The following NAALADL2 variants were observed in gnomAD, a reference collection of about 807,000 sequenced individuals.
NAALADL2 encodes inactive N-acetylated-alpha-linked acidic dipeptidase-like protein 2.
Under a neutral mutation model 87.2 loss-of-function variants are expected in NAALADL2, and 76 were observed. That is an observed-to-expected ratio of 0.87 (90% CI 0.72 to 1.05). The LOEUF is 1.05. NAALADL2 is among the 50% of genes least tolerant of loss of function. The pLI, the probability that NAALADL2 is intolerant of heterozygous loss-of-function variation, is 0.00. For missense variants in NAALADL2, 1,089 were observed against 945.8 expected (o/e 1.15, Z -1.99); for synonymous variants, 354 against 331.0 (o/e 1.07, Z -0.75).
chr3:174,558,877 T>C lies in NAALADL2; in HGVS notation c.-115+8240T>C, dbSNP rs545611171. The stretch of plus-strand genomic sequence containing the variant: ...AATTTGTGACTTTTGGAGAATATGC[T>C]GAAAGAAGCAGCTGCTTCCCCTCCA... On this transcript the variant is annotated intron_variant, in intron 2 of 3. Transcript: ENST00000434257. Among the ~76,000 whole-genome samples, 4 of 152,264 alleles carry C rather than the reference T, an allele frequency of 2.6e-5. No individual in the cohort carries two copies. In the South Asian group the frequency reaches 6.2e-4, roughly 24 times the overall value.
chr3:174,774,098 G>C (rs1714912439), intron 3 of NAALADL2, among the ~76,000 whole-genome samples: 1 of 151,844 alleles, frequency 6.6e-6, no homozygotes, highest in African/African-American at 2.4e-5. Context: ...CACTTTCCTT[G>C]CTTCCAGTAC....
At chr3:174,531,923 A>G (rs1425097119) in intron 1 of NAALADL2, among the ~76,000 whole-genome samples, 2 of 152,216 alleles carry the variant, frequency 1.3e-5, no homozygotes, top group African/African-American at 4.8e-5. Flanking sequence ...CTGTAGAAAT[A>G]CATTTCAAAA....
intron 11 of NAALADL2, among the ~76,000 whole-genome samples, chr3:175,703,282 T>C (rs1017161194): frequency 2.0e-5 from 3 of 152,144 alleles, no homozygotes; most frequent in African/African-American, 7.2e-5. Flanking sequence ...ACAAGCAGAG[T>C]AATTATAAAA....
In NAALADL2 at chr3:174,827,662, A is replaced by G. The variant is rs117533320; in HGVS notation, c.-9+89916A>G. On this transcript the variant is annotated intron_variant, in intron 3 of 3. Transcript: ENST00000434257. Reference sequence around the variant, plus strand: ...TTGCCATATAACATAATAAGCAAACAGGTTCAATGTATTGGGATATGGACA... The same window carrying G: ...TTGCCATATAACATAATAAGCAAACGGGTTCAATGTATTGGGATATGGACA... 1.2e-4 allele frequency among the ~76,000 whole-genome samples: 18 copies of G among 152,318 alleles called. No homozygotes were observed. In the East Asian group the frequency reaches 3.5e-3, roughly 29 times the overall value.
intron 5 of NAALADL2, among the ~76,000 whole-genome samples, chr3:175,404,825 G>A (rs1220512841): frequency 6.6e-6 from 1 of 152,144 alleles, no homozygotes; most frequent in Non-Finnish European, 1.5e-5. Context: ...TCCATGTGGT[G>A]AGATAAATTA....
chr3:174,817,052 G>T (rs978278470), intron 3 of NAALADL2, among the ~76,000 whole-genome samples: 1 of 152,122 alleles, frequency 6.6e-6, no homozygotes, highest in Non-Finnish European at 1.5e-5. Flanking sequence ...AGCTAAATTT[G>T]ACTTTAGTTC....
intron 2 of NAALADL2, among the ~76,000 whole-genome samples, chr3:175,133,885 A>G (rs1728666106): frequency 6.6e-6 from 1 of 152,204 alleles, no homozygotes; most frequent in African/African-American, 2.4e-5. Context: ...GAATGTTTTT[A>G]CTCTGAGGTG....
At chr3:174,491,962 G>T (rs968574899) in intron 1 of NAALADL2, among the ~76,000 whole-genome samples, 4 of 152,052 alleles carry the variant, frequency 2.6e-5, no homozygotes, top group African/African-American at 9.7e-5. Flanking sequence ...ATACAGTGAT[G>T]TGTGACTTTA....
At chr3:175,494,589 G>T (rs1004255642) in intron 9 of NAALADL2, among the ~76,000 whole-genome samples, 3 of 152,036 alleles carry the variant, frequency 2.0e-5, no homozygotes, top group Non-Finnish European at 1.5e-5. Flanking sequence ...CATAAGTTCA[G>T]TATATTCCGA....
At chr3:175,217,332 C>T (rs1580973816) in intron 2 of NAALADL2, among the ~76,000 whole-genome samples, 1 of 152,118 alleles carries the variant, frequency 6.6e-6, no homozygotes, top group East Asian at 1.9e-4. Context: ...GTTTGCAGTC[C>T]TTGCAGAAGC....
intron 10 of NAALADL2, among the ~76,000 whole-genome samples, chr3:175,583,799 TTATTTA>T (rs1482298779): frequency 6.6e-6 from 1 of 152,180 alleles, no homozygotes; most frequent in African/African-American, 2.4e-5. Flanking sequence ...AAAAAACTGA[TTATTTA>T]TATGAACTAG....
chr3:174,715,655 A>T lies in NAALADL2; in HGVS notation c.-114-21986A>T, dbSNP rs577874514. On this transcript the variant is annotated intron_variant, in intron 2 of 3. Transcript: ENST00000434257. ...GAAATGCTGTTTATAATTCAGGACT[A>T]AGTCAAATGGTTATAGAAAGCATTC... Among the ~76,000 whole-genome samples, 5 of 152,272 alleles carry T rather than the reference A, an allele frequency of 3.3e-5. No individual in the cohort carries two copies. The East Asian group carries it at 9.7e-4, about 29-fold the overall frequency.
At chr3:175,396,589 A>G (rs1282899754) in intron 5 of NAALADL2, among the ~76,000 whole-genome samples, 1 of 152,024 alleles carries the variant, frequency 6.6e-6, no homozygotes, top group African/African-American at 2.4e-5. Context: ...CATGCACTAG[A>G]GACGCCAGAA....
chr3:175,758,472 C>T (rs559297200), intron 13 of NAALADL2, among the ~76,000 whole-genome samples: 16 of 151,910 alleles, frequency 1.1e-4, no homozygotes, highest in South Asian at 2.1e-4. Context: ...TTAGACGTAT[C>T]GGACTCACCT....
intron 13 of NAALADL2, among the ~76,000 whole-genome samples, chr3:175,774,475 C>T (rs1408044771): frequency 6.6e-6 from 1 of 151,912 alleles, no homozygotes; most frequent in African/African-American, 2.4e-5. Context: ...ATTCCTACTA[C>T]TCCCTTATGA....
chr3:175,635,049 T>C (rs1361662136), intron 11 of NAALADL2, among the ~76,000 whole-genome samples: 1 of 152,040 alleles, frequency 6.6e-6, no homozygotes, highest in Non-Finnish European at 1.5e-5. Context: ...GGAAATAATA[T>C]AGGTGTGTGT....
intron 2 of NAALADL2, among the ~76,000 whole-genome samples, chr3:174,710,239 T>TC (rs1248289267): frequency 6.6e-6 from 1 of 151,174 alleles, no homozygotes; most frequent in Non-Finnish European, 1.5e-5. Context: ...CCTTTTTTTT[T>TC]TTTTTCTTTT....
chr3:175,466,710 C>T (rs1410319479), intron 7 of NAALADL2, among the ~76,000 whole-genome samples: 1 of 152,132 alleles, frequency 6.6e-6, no homozygotes, highest in Non-Finnish European at 1.5e-5. Context: ...GGCATATTTA[C>T]ATGCTTCATT....
chr3:175,102,206 T>C (rs6443282), intron 2 of NAALADL2, among the ~76,000 whole-genome samples: 32,832 of 152,106 alleles, frequency 0.22, 4,870 homozygotes, highest in African/African-American at 0.42. Context: ...GTAAACATTC[T>C]TGTACATAAA....
Sources: gnomAD v4.1 joint callset for allele counts (sites outside exome capture counted in the v4.1 genomes callset) on GRCh38, gnomAD v4.1.1 for gene constraint, MANE v1.5 for transcripts, NCBI Gene and HGNC (gene_info 2026-07-23, HGNC 2026-07-21) for gene names.